DPP6: variants seen among roughly 807,000 people sequenced by gnomAD.
The protein encoded by DPP6 is A-type potassium channel modulatory protein DPP6.
In DPP6, 69 loss-of-function variants were observed where a neutral mutation model predicts 122.6. That is an observed-to-expected ratio of 0.56 (90% CI 0.46 to 0.69). DPP6 has a LOEUF of 0.69. DPP6 is among the 30% of genes least tolerant of loss of function. The probability of loss-of-function intolerance (pLI) is 0.00; values close to 1 mark genes in which losing one functional copy is unlikely to be tolerated. For synonymous variants in DPP6, 418 were observed against 433.1 expected (o/e 0.97, Z 0.43); for missense variants, 928 against 1,116.9 (o/e 0.83, Z 2.41).
chr7:153,797,599 A>C, the DPP6 span, among the ~76,000 whole-genome samples: 26 of 152,142 alleles, frequency 1.7e-4, no homozygotes, highest in African/African-American at 6.3e-4. Context: ...GCCTTCTAGC[A>C]AGCTGACTCA....
chr7:154,589,624 T>A (rs1832684540), intron 5 of DPP6, among the ~76,000 whole-genome samples: 1 of 152,238 alleles, frequency 6.6e-6, no homozygotes, highest in Admixed American at 6.5e-5. Flanking sequence ...ACAAAGGAAC[T>A]CAATTTGTAG....
chr7:153,836,682 C>A, the DPP6 span, among the ~76,000 whole-genome samples: 1 of 152,162 alleles, frequency 6.6e-6, no homozygotes, highest in Non-Finnish European at 1.5e-5. Flanking sequence ...CGTAGGTAGC[C>A]TGCCAGTACT....
chr7:153,875,342 A>G, the DPP6 span, among the ~76,000 whole-genome samples: 3 of 152,206 alleles, frequency 2.0e-5, no homozygotes, highest in African/African-American at 7.2e-5. Context: ...AACTTCCAGT[A>G]AAGGAATGAC....
chr7:153,874,267 C>CACACAG, the DPP6 span, among the ~76,000 whole-genome samples: 1 of 152,024 alleles, frequency 6.6e-6, no homozygotes, highest in Admixed American at 6.6e-5. Flanking sequence ...CACACACACA[C>CACACAG]ACACACACAC....
intron 1 of DPP6, among the ~76,000 whole-genome samples, chr7:154,136,332 T>C (rs1795553574): frequency 1.3e-5 from 2 of 152,172 alleles, no homozygotes; most frequent in Non-Finnish European, 2.9e-5. Flanking sequence ...CCTTCCCTGG[T>C]GTTCCCAAAT....
At chr7:154,104,825 G>GTAC (rs1806031945) in intron 1 of DPP6, among the ~76,000 whole-genome samples, 1 of 152,226 alleles carries the variant, frequency 6.6e-6, no homozygotes, top group Non-Finnish European at 1.5e-5. Context: ...AACACTCAGT[G>GTAC]TAAGATCAGG....
chr7:154,202,099 G>A (rs1432145381), intron 1 of DPP6, among the ~76,000 whole-genome samples: 1 of 152,130 alleles, frequency 6.6e-6, no homozygotes, highest in Non-Finnish European at 1.5e-5. Context: ...TAAGTAAATC[G>A]TGTGATGGAG....
chr7:153,978,239 C>T (rs1436754159), intron 1 of DPP6, among the ~76,000 whole-genome samples: 3 of 152,110 alleles, frequency 2.0e-5, no homozygotes, highest in East Asian at 1.9e-4. Context: ...TTTTAATGAT[C>T]GCCATTTTAA....
chr7:153,810,925 T>G, the DPP6 span, among the ~76,000 whole-genome samples: 12 of 152,316 alleles, frequency 7.9e-5, no homozygotes, highest in African/African-American at 2.9e-4. Context: ...GATTACTTTC[T>G]TTTGATGAAC....
chr7:154,331,270 C>T (rs151000258), intron 1 of DPP6, among the ~76,000 whole-genome samples: 6 of 152,268 alleles, frequency 3.9e-5, no homozygotes, highest in African/African-American at 7.2e-5. Flanking sequence ...GTTCTCAGTA[C>T]GCAGGGACTG....
In DPP6 at chr7:154,419,382, A is replaced by T. The variant is rs1401888247; in HGVS notation, c.244-26832A>T. ...TCCAGGAGTTAAATTCACATTGACT[A>T]TTTTTTAAAATAGTGCTCACAGCTT... On this transcript the variant is annotated intron_variant, in intron 1 of 25. Transcript: ENST00000377770. 2.0e-5 allele frequency among the ~76,000 whole-genome samples: 3 copies of T among 152,192 alleles called. No homozygotes were observed. In the East Asian group the frequency reaches 5.8e-4, roughly 29 times the overall value.
At chr7:153,769,338 A>T in the DPP6 span, among the ~76,000 whole-genome samples, 67,048 of 151,968 alleles carry the variant, frequency 0.44, 14,862 homozygotes, top group South Asian at 0.54. Context: ...ATAGCAATCA[A>T]GCTAATTAAT....
intron 6 of DPP6, among the ~76,000 whole-genome samples, chr7:154,645,755 G>A (rs1221559594): frequency 7.9e-5 from 12 of 152,022 alleles, no homozygotes; most frequent in East Asian, 5.8e-4. Context: ...GTTGCCAGGC[G>A]CGGTGGTTCA....
At chr7:153,786,695 C>T in the DPP6 span, among the ~76,000 whole-genome samples, 5 of 141,546 alleles carry the variant, frequency 3.5e-5, no homozygotes, top group South Asian at 7.2e-4. Flanking sequence ...GCCGAGACCG[C>T]GCCACTGCAC....
At chr7:153,793,009 C>A in the DPP6 span, among the ~76,000 whole-genome samples, 13 of 152,306 alleles carry the variant, frequency 8.5e-5, no homozygotes, top group African/African-American at 2.6e-4. Flanking sequence ...CCATGTGAAA[C>A]AATAAGTCCA....
the DPP6 span, among the ~76,000 whole-genome samples, chr7:153,758,683 A>T: frequency 6.7e-6 from 1 of 149,390 alleles, no homozygotes; most frequent in Non-Finnish European, 1.5e-5. Flanking sequence ...AGATTTATTC[A>T]TGTTGCAGCA....
intron 7 of DPP6, among the ~76,000 whole-genome samples, chr7:154,709,157 AAC>A (rs1462129728): frequency 1.3e-5 from 2 of 152,228 alleles, no homozygotes; most frequent in Admixed American, 1.3e-4. Flanking sequence ...CTCTCCTACC[AAC>A]ACACATACAT....
intron 10 of DPP6, among the ~76,000 whole-genome samples, chr7:154,777,780 G>C (rs116582345): frequency 0.027 from 4,144 of 152,128 alleles, 163 homozygotes; most frequent in African/African-American, 0.093. Context: ...AGGGCTCCCA[G>C]AACCCAAGAC....
intron 1 of DPP6, among the ~76,000 whole-genome samples, chr7:154,332,318 C>T (rs1442189349): frequency 5.3e-5 from 8 of 152,146 alleles, no homozygotes; most frequent in Admixed American, 1.3e-4. Context: ...GTGATCCACC[C>T]GCCTCAGCCT....
Sources: gnomAD v4.1 joint callset for allele counts (sites outside exome capture counted in the v4.1 genomes callset) on GRCh38, gnomAD v4.1.1 for gene constraint, MANE v1.5 for transcripts, NCBI Gene and HGNC (gene_info 2026-07-23, HGNC 2026-07-21) for gene names.